The following SUMF1 variants were observed in gnomAD, a reference collection of about 807,000 sequenced individuals.
SUMF1 encodes the protein formylglycine-generating enzyme.
SUMF1 carries 48 observed loss-of-function variants against 47.6 expected under a neutral mutation model. The observed-to-expected ratio is 1.01, with a 90% CI of 0.80 to 1.28. The LOEUF is 1.28. SUMF1 is among the 50% of genes most tolerant of loss of function. SUMF1 has a pLI of 0.00. For synonymous variants in SUMF1, 230 were observed against 192.1 expected (o/e 1.20, Z -1.63); for missense variants, 571 against 485.4 (o/e 1.18, Z -1.66).
intron 8 of SUMF1, among the ~76,000 whole-genome samples, chr3:4,207,928 C>A (rs996431507): frequency 1.3e-5 from 2 of 152,048 alleles, no homozygotes; most frequent in Non-Finnish European, 2.9e-5. Context: ...GTTAAAAACT[C>A]CAGGGAGAAT....
chr3:4,151,474 T>TGTGTATATATAC (rs1559514249), intron 8 of SUMF1, among the ~76,000 whole-genome samples: 2 of 145,924 alleles, frequency 1.4e-5, no homozygotes, highest in South Asian at 2.1e-4. Context: ...TATGTATATA[T>TGTGTATATATAC]GTATATATGT....
chr3:4,294,779 C>T (rs140344864), intron 8 of SUMF1, among the ~76,000 whole-genome samples: 1 of 152,044 alleles, frequency 6.6e-6, no homozygotes, highest in East Asian at 1.9e-4. Flanking sequence ...AAAAACATGA[C>T]ATGGAAACAG....
At chr3:4,055,035 A>T (rs1695167325) in intron 9 of SUMF1, among the ~76,000 whole-genome samples, 1 of 152,166 alleles carries the variant, frequency 6.6e-6, no homozygotes, top group Non-Finnish European at 1.5e-5. Flanking sequence ...AACAGGCTGG[A>T]TGACTTCGCT....
intron 8 of SUMF1, chr3:4,313,668 A>G: frequency 6.2e-7 from 1 of 1,614,034 alleles, no homozygotes; most frequent in South Asian, 1.1e-5. Flanking sequence ...GCCCCGTAGA[A>G]AAGTCGAACA....
At chr3:4,159,930 T>C (rs1295746408) in intron 8 of SUMF1, among the ~76,000 whole-genome samples, 1 of 152,154 alleles carries the variant, frequency 6.6e-6, no homozygotes, top group Non-Finnish European at 1.5e-5. Flanking sequence ...GCCAAACACA[T>C]TGGAGCACAA....
intron 8 of SUMF1, among the ~76,000 whole-genome samples, chr3:4,185,145 A>G (rs1262924396): frequency 6.6e-6 from 1 of 152,192 alleles, no homozygotes; most frequent in East Asian, 1.9e-4. Context: ...CATGTCTATG[A>G]ATTTCCCTAA....
chr3:4,253,930 T>A (rs1435551136), intron 8 of SUMF1, among the ~76,000 whole-genome samples: 1 of 150,356 alleles, frequency 6.7e-6, no homozygotes, highest in African/African-American at 2.5e-5. Context: ...ACTGGCAGAC[T>A]GCCTCCTCAA....
At chr3:4,231,699 C>T (rs1696302809) in intron 8 of SUMF1, among the ~76,000 whole-genome samples, 1 of 152,092 alleles carries the variant, frequency 6.6e-6, no homozygotes, top group African/African-American at 2.4e-5. Flanking sequence ...ACACATAGCC[C>T]TTCATGTTGG....
At chr3:4,347,958 T>G (rs1699407094) in intron 8 of SUMF1, among the ~76,000 whole-genome samples, 1 of 152,122 alleles carries the variant, frequency 6.6e-6, no homozygotes, top group African/African-American at 2.4e-5. Flanking sequence ...TTAAAATACC[T>G]AGGAATACAG....
rs529740447 is a variant in SUMF1 at position 4,443,368 on chromosome 3, G to A, written c.519+5898C>T. Among the ~76,000 whole-genome samples, 7 of 152,116 alleles carry A rather than the reference G, an allele frequency of 4.6e-5. No individual in the cohort carries two copies. In the South Asian group the frequency reaches 1.0e-3, roughly 23 times the overall value. On this transcript the variant is annotated intron_variant, in intron 3 of 8. Transcript: ENST00000272902. Reference sequence around the variant, plus strand: ...AATCAGAATCCACAAACTCAGATGAGGTAGAGAAGTCAAGTAGCAACTAGA... The same window carrying A: ...AATCAGAATCCACAAACTCAGATGAAGTAGAGAAGTCAAGTAGCAACTAGA...
chr3:4,184,646 C>T (rs1574960121), intron 8 of SUMF1, among the ~76,000 whole-genome samples: 1 of 126,292 alleles, frequency 7.9e-6, no homozygotes, highest in East Asian at 2.3e-4. Context: ...AAACAATTTC[C>T]CTGGATTTTT....
At chr3:4,323,137 G>A (rs1383395803) in intron 8 of SUMF1, among the ~76,000 whole-genome samples, 1 of 152,158 alleles carries the variant, frequency 6.6e-6, no homozygotes, top group Non-Finnish European at 1.5e-5. Flanking sequence ...GCTGATGGAT[G>A]AATAAACAAC....
chr3:4,108,299 A>C (rs2086412142), intron 8 of SUMF1, among the ~76,000 whole-genome samples: 1 of 151,870 alleles, frequency 6.6e-6, no homozygotes. Flanking sequence ...GAAAGTTTGT[A>C]ATTTCTGTTC....
At chr3:4,177,489 A>T (rs1200990554) in intron 8 of SUMF1, among the ~76,000 whole-genome samples, 2 of 152,214 alleles carry the variant, frequency 1.3e-5, no homozygotes, top group African/African-American at 4.8e-5. Flanking sequence ...CTTTGAAACC[A>T]ATGAGAACAA....
At position 4,072,057 on chromosome 3, in the gene SUMF1, T is replaced by C. The variant is rs183065161; in HGVS notation, c.1015-3312A>G. Among the ~76,000 whole-genome samples the C allele has an allele frequency of 9.9e-5, 15 of 152,278 alleles. No homozygotes were observed. The East Asian group carries it at 2.9e-3, about 29-fold the overall frequency. On this transcript the variant is annotated intron_variant and NMD_transcript_variant, in intron 8 of 12. Coordinates refer to the SUMF1 transcript ENST00000448413. ...ATACAAGAGAGCACTGCTTGGCATC[T>C]GGCAGGTGCCCCTCTAAGACAAATT...
intron 8 of SUMF1, among the ~76,000 whole-genome samples, chr3:4,328,086 C>T (rs1484442229): frequency 6.6e-6 from 1 of 152,122 alleles, no homozygotes; most frequent in South Asian, 2.1e-4. Context: ...GGTGTGATGG[C>T]GGGTGCCTGT....
At chr3:4,402,541 A>G (rs951128045) in intron 7 of SUMF1, among the ~76,000 whole-genome samples, 1 of 152,242 alleles carries the variant, frequency 6.6e-6, no homozygotes, top group Non-Finnish European at 1.5e-5. Flanking sequence ...GTGGATACTC[A>G]GGAAATGTAG....
intron 8 of SUMF1, among the ~76,000 whole-genome samples, chr3:4,169,497 G>A (rs891491054): frequency 4.6e-5 from 7 of 152,110 alleles, no homozygotes; most frequent in African/African-American, 1.7e-4. Context: ...AACAACACCA[G>A]AATCCCAGAG....
chr3:4,288,822 A>G (rs191290214), intron 8 of SUMF1, among the ~76,000 whole-genome samples: 2 of 152,064 alleles, frequency 1.3e-5, no homozygotes, highest in African/African-American at 4.8e-5. Flanking sequence ...AAAAAATTGA[A>G]CCTACAAAGC....
Sources: allele counts gnomAD v4.1 joint callset (sites outside exome capture counted in the v4.1 genomes callset), GRCh38; gene constraint gnomAD v4.1.1; transcripts MANE v1.5; gene names NCBI Gene and HGNC (gene_info 2026-07-23, HGNC 2026-07-21).